Variants in NFATC2 observed in about 807,000 individuals in gnomAD.
NFATC2 encodes nuclear factor of activated T cells 2.
In NFATC2, 22 loss-of-function variants were observed where a neutral mutation model predicts 87.3. The observed-to-expected ratio is 0.25, with a 90% confidence interval of 0.18 to 0.36. The LOEUF (loss-of-function observed/expected upper bound fraction) is 0.36, where lower values mean the gene tolerates loss of function less well. NFATC2 is among the 10% of genes least tolerant of loss of function. NFATC2 has a pLI of 1.00. For synonymous variants in NFATC2, 565 were observed against 542.2 expected (o/e 1.04, Z -0.58); for missense variants, 1,149 against 1,259.1 (o/e 0.91, Z 1.32).
At chr20:51,510,928 C>T (rs910990672) in intron 3 of NFATC2, among the ~76,000 whole-genome samples, 3 of 152,214 alleles carry the variant, frequency 2.0e-5, no homozygotes, top group Non-Finnish European at 4.4e-5. Flanking sequence ...GAAGTAGCAC[C>T]ATTCTTATTT....
At chr20:51,465,054 C>T (rs2146475158) in intron 5 of NFATC2, among the ~76,000 whole-genome samples, 1 of 152,334 alleles carries the variant, frequency 6.6e-6, no homozygotes, top group Non-Finnish European at 1.5e-5. Context: ...TATTGATTAG[C>T]ACCTACTATG....
At position 51,436,797 on chromosome 20, in the gene NFATC2, CTT is replaced by C. The variant is rs904824845; in HGVS notation, c.1850-1038_1850-1037del. 9.9e-5 allele frequency among the ~76,000 whole-genome samples: 15 copies of C among 152,280 alleles called. No individual in the cohort carries two copies. In the South Asian group the frequency reaches 1.0e-3, roughly 11 times the overall value. ...TTAAAAAGCATTGTTATATGTTACACTTTATCCTACGCCAAAGCTGTTAGAGA... is the reference window on the plus strand; with the variant it reads ...TTAAAAAGCATTGTTATATGTTACACTATCCTACGCCAAAGCTGTTAGAGA... On this transcript the variant is annotated intron_variant, in intron 6 of 10. Coordinates refer to ENST00000371564, the MANE Select transcript of NFATC2 (RefSeq NM_012340.5).
intron 6 of NFATC2, among the ~76,000 whole-genome samples, chr20:51,447,502 C>G (rs557333060): frequency 1.3e-5 from 2 of 152,250 alleles, no homozygotes; most frequent in African/African-American, 4.8e-5. Flanking sequence ...TGTGAAGGAA[C>G]CTTCCAAAAC....
chr20:51,457,450 C>T (rs999265506), intron 5 of NFATC2, among the ~76,000 whole-genome samples: 2 of 152,240 alleles, frequency 1.3e-5, no homozygotes, highest in East Asian at 1.9e-4. Flanking sequence ...TGAATCACTG[C>T]ACGCTGCTGT....
chr20:51,528,661 G>A (rs1405941733), intron 1 of NFATC2, among the ~76,000 whole-genome samples: 1 of 152,164 alleles, frequency 6.6e-6, no homozygotes. Context: ...TTTGATTTGT[G>A]TAATTGTGTA....
chr20:51,474,103 G>A lies in NFATC2; in HGVS notation c.1585C>T (p.Arg529Trp), dbSNP rs1167540083. ...LKLRNADIEL[R>W]KGETDIGRKN... Reference sequence around the variant, plus strand: ...CTTCCAATGTCCGTCTCGCCTTTCCGCAGCTCAATGTCGGCGTTTCTAAGC... The same window carrying A: ...CTTCCAATGTCCGTCTCGCCTTTCCACAGCTCAATGTCGGCGTTTCTAAGC... Residue 529 changes from arginine (R) to tryptophan (W), a missense_variant, in exon 5 of 11, where the codon CGG becomes TGG. Arg to Trp is a moderately radical substitution (Grantham distance 101, BLOSUM62 -3). This residue lies in a region of NFATC2 where 581 missense variants were observed against 649.7 expected (regional missense o/e 0.89). Coordinates refer to ENST00000371564, the MANE Select transcript of NFATC2 (RefSeq NM_012340.5). The A allele has an allele frequency of 4.3e-6, 7 of 1,614,154 alleles. No homozygotes were observed. The highest frequency in any genetic ancestry group is 1.7e-5 in the Admixed American group (1 of 60,020).
intron 3 of NFATC2, among the ~76,000 whole-genome samples, chr20:51,506,151 C>T (rs1001344613): frequency 1.3e-5 from 2 of 152,202 alleles, no homozygotes; most frequent in African/African-American, 2.4e-5. Context: ...TTAATGGCAG[C>T]GCCACTATCT....
chr20:51,469,167 C>T (rs1042601087), intron 5 of NFATC2, among the ~76,000 whole-genome samples: 1 of 152,140 alleles, frequency 6.6e-6, no homozygotes, highest in Non-Finnish European at 1.5e-5. Flanking sequence ...AGACTACAGG[C>T]ATGCACCAGC....
At chr20:51,473,335 G>A (rs1034371787) in intron 5 of NFATC2, among the ~76,000 whole-genome samples, 3 of 152,126 alleles carry the variant, frequency 2.0e-5, no homozygotes, top group Admixed American at 1.3e-4. Context: ...AGATGGGTGC[G>A]GGGACAGGGT....
intron 9 of NFATC2, among the ~76,000 whole-genome samples, chr20:51,421,216 T>C (rs1258479185): frequency 6.6e-6 from 1 of 152,184 alleles, no homozygotes; most frequent in African/African-American, 2.4e-5. Context: ...GGTGGGTATG[T>C]AGGGGTACCT....
rs184353964 is a variant in NFATC2 at position 51,557,318 on chromosome 20, G to A, written c.70+5242C>T. Among the ~76,000 whole-genome samples the A allele has an allele frequency of 1.5e-3, 221 of 152,256 alleles. 2 individuals carry two copies. The highest frequency in any genetic ancestry group is 5.1e-3 in the African/African-American group (210 of 41,550). On this transcript the variant is annotated intron_variant, in intron 1 of 10. Transcript: ENST00000414705. Reference sequence around the variant, plus strand: ...CAGTCAGGGAGCAACAGGGGTGTGGGTTTGAATCCAGACTCCACCACTCGC... The same window carrying A: ...CAGTCAGGGAGCAACAGGGGTGTGGATTTGAATCCAGACTCCACCACTCGC...
At chr20:51,443,971 A>G (rs932468282) in intron 6 of NFATC2, among the ~76,000 whole-genome samples, 2 of 151,816 alleles carry the variant, frequency 1.3e-5, no homozygotes, top group African/African-American at 4.8e-5. Flanking sequence ...AAGTAACATC[A>G]TAGCCTTTGT....
upstream of NFATC2, among the ~76,000 whole-genome samples, chr20:51,547,324 T>C (rs1489241304): frequency 2.6e-5 from 4 of 152,194 alleles, no homozygotes; most frequent in Non-Finnish European, 4.4e-5. Context: ...TTGGTCCCTC[T>C]GTGAGTTACC....
At chr20:51,460,466 T>A (rs957416372) in intron 5 of NFATC2, among the ~76,000 whole-genome samples, 1 of 152,162 alleles carries the variant, frequency 6.6e-6, no homozygotes, top group African/African-American at 2.4e-5. Flanking sequence ...GTCAGCAAGG[T>A]TAGCAACACT....
intron 6 of NFATC2, among the ~76,000 whole-genome samples, chr20:51,436,011 A>G (rs1319275067): frequency 6.6e-6 from 1 of 152,104 alleles, no homozygotes; most frequent in Non-Finnish European, 1.5e-5. Flanking sequence ...GGAACAGAAA[A>G]CTCAACGCCA....
rs562311029 is a variant in NFATC2 at position 51,561,503 on chromosome 20, G to T, written c.70+1057C>A. Among the ~76,000 whole-genome samples the T allele has an allele frequency of 6.3e-5, 9 of 143,682 alleles. No individual in the cohort carries two copies. In the East Asian group the frequency reaches 1.8e-3, roughly 28 times the overall value. 94.3% of individuals were successfully genotyped at this position (143,682 alleles called of 152,430 possible). A position where few individuals can be genotyped will look rare whatever the true frequency, so the allele number is the denominator to read the frequency against. On this transcript the variant is annotated intron_variant, in intron 1 of 10. Coordinates refer to the NFATC2 transcript ENST00000414705. ...AGAAAGAAAGCAAGCAAGCAAGCAA[G>T]CAAGCAAGCAAGCAAGCAAGCAAGC...
chr20:51,432,064 T>C lies in NFATC2; in HGVS notation c.2722+3A>G, dbSNP rs757906485. The C allele has an allele frequency of 6.6e-7, 1 of 1,519,308 alleles. No individual in the cohort carries two copies. Among genetic ancestry groups the C allele is most frequent in the Non-Finnish European group, 8.8e-7 (1 of 1,131,948 alleles). 94.1% of individuals were successfully genotyped at this position (1,519,308 alleles called of 1,614,324 possible). ...AGGCAGTGACAAAACTCAAGCGTCTTACCATCATCCAAGTAGGTCTGGTCC... is the reference window on the plus strand; with the variant it reads ...AGGCAGTGACAAAACTCAAGCGTCTCACCATCATCCAAGTAGGTCTGGTCC... On this transcript the variant is annotated splice_donor_region_variant and intron_variant, in intron 9 of 10. Transcript: ENST00000371564. This position sits in a 1 kb window ranked among gnomAD's most constrained non-coding sequence, Gnocchi z 4.6.
rs984200688 is a variant in NFATC2, at chr20:51,391,446, C to T, written c.*50G>A. ...CCTGAAAACTCCTTCCTGATAATTT[C>T]ATTAACTACAAAAGAAAAGAGGAGG... On this transcript the variant is annotated 3_prime_UTR_variant, in exon 11 of 11. Transcript: ENST00000371564. The T allele has an allele frequency of 1.2e-6, 1 of 833,312 alleles. No individual in the cohort carries two copies. The highest frequency in any genetic ancestry group is 1.9e-6 in the Non-Finnish European group (1 of 530,094). The allele number at this position is 833,312 out of a possible 1,614,324, so 51.6% of individuals were successfully genotyped here.
chr20:51,502,189 T>C (rs1017723015), intron 3 of NFATC2, among the ~76,000 whole-genome samples: 1 of 152,212 alleles, frequency 6.6e-6, no homozygotes, highest in Non-Finnish European at 1.5e-5. Context: ...TGGTATGTGG[T>C]AGAAGCCCAA....
Sources: gnomAD v4.1 joint callset for allele counts (sites outside exome capture counted in the v4.1 genomes callset) on GRCh38, gnomAD v4.1.1 for gene constraint, gnomAD v4.1.1 regional missense constraint, Gnocchi (gnomAD v3.1) non-coding constraint, MANE v1.5 for transcripts, NCBI Gene and HGNC (gene_info 2026-07-23, HGNC 2026-07-21) for gene names.